The following USP42 variants were observed in gnomAD, a reference collection of about 807,000 sequenced individuals.
The protein encoded by USP42 is ubiquitin specific peptidase 42.
USP42 carries 23 observed loss-of-function variants against 113.0 expected under a neutral mutation model. That is an observed-to-expected ratio of 0.20 (90% CI 0.15 to 0.29). The LOEUF is 0.29. Among genes scored for constraint, USP42 ranks in the 10% least tolerant of loss-of-function variants. USP42 has a pLI of 1.00. For missense variants in USP42, 2,174 were observed against 1,779.8 expected, an observed-to-expected ratio of 1.22 and a Z score of -3.99; for synonymous variants, 933 against 699.0, an observed-to-expected ratio of 1.33 and a Z score of -5.28.
At chr7:6,085,716 G>T in the USP42 span, among the ~76,000 whole-genome samples, 1 of 149,992 alleles carries the variant, frequency 6.7e-6, no homozygotes, top group African/African-American at 2.5e-5. Context: ...TTGAGTTCAA[G>T]CGATTCTCCT....
At chr7:6,132,335 A>AT (rs1163409917) in intron 3 of USP42, among the ~76,000 whole-genome samples, 2 of 151,786 alleles carry the variant, frequency 1.3e-5, no homozygotes, top group Non-Finnish European at 2.9e-5. Flanking sequence ...ATACATAATG[A>AT]TTTTTTGCTT....
intron 3 of USP42, among the ~76,000 whole-genome samples, chr7:6,120,737 T>G (rs1780181336): frequency 6.6e-6 from 1 of 151,818 alleles, no homozygotes; most frequent in East Asian, 1.9e-4. Flanking sequence ...GTGCCCACCA[T>G]CATGCCCGGC....
chr7:6,148,108 C>G (rs1007666553), intron 12 of USP42, among the ~76,000 whole-genome samples: 12 of 152,154 alleles, frequency 7.9e-5, no homozygotes, highest in African/African-American at 2.9e-4. Flanking sequence ...GAGGCCGAGA[C>G]AGGTGGATCA....
At chr7:6,156,692 C>CA (rs1782462773) in intron 15 of USP42, 62 bp from the exon 16 acceptor site, 2 of 1,471,966 alleles carry the variant, frequency 1.4e-6, no homozygotes, top group Non-Finnish European at 1.8e-6. Context: ...GGCCAAGCTC[C>CA]AGGGTCTGCT....
At chr7:6,112,900 CTTTTTTTTTTTTT>C (rs34002709) in intron 2 of USP42, among the ~76,000 whole-genome samples, 15 of 102,738 alleles carry the variant, frequency 1.5e-4, no homozygotes, top group Middle Eastern at 5.3e-3. Context: ...TAGTAAGTTT[CTTTTTTTTTTTTT>C]TTTTTTTTGA....
At chr7:6,090,729 AC>A in the USP42 span, among the ~76,000 whole-genome samples, 2 of 146,172 alleles carry the variant, frequency 1.4e-5, no homozygotes, top group East Asian at 1.9e-4. Context: ...AAACAAAAAA[AC>A]AAAACTAACT....
intron 9 of USP42, 68 bp from the exon 10 acceptor site, chr7:6,145,448 C>G: frequency 1.3e-6 from 2 of 1,597,146 alleles, no homozygotes; most frequent in Admixed American, 1.7e-5. Context: ...CTCTAAGTAC[C>G]CTCTACCTGA....
intron 3 of USP42, among the ~76,000 whole-genome samples, chr7:6,121,216 CTCTT>C (rs1780210669): frequency 6.6e-6 from 1 of 152,098 alleles, no homozygotes; most frequent in East Asian, 1.9e-4. Context: ...AAATCCATGT[CTCTT>C]TCTCAGCCTT....
the USP42 span, among the ~76,000 whole-genome samples, chr7:6,096,842 T>C: frequency 1.3e-5 from 2 of 151,298 alleles, no homozygotes; most frequent in Non-Finnish European, 2.9e-5. Flanking sequence ...CTGCTCACTG[T>C]ACCAATCATG....
chr7:6,116,320 T>C (rs1779910285), intron 3 of USP42, among the ~76,000 whole-genome samples: 1 of 152,200 alleles, frequency 6.6e-6, no homozygotes, highest in African/African-American at 2.4e-5. Flanking sequence ...TCAACCTACA[T>C]GGCAGGAAAT....
At chr7:6,146,546 C>T (rs1781727549) in intron 11 of USP42, among the ~76,000 whole-genome samples, 1 of 151,984 alleles carries the variant, frequency 6.6e-6, no homozygotes, top group African/African-American at 2.4e-5. Context: ...GGCCTGTGGT[C>T]TTATCTGCTC....
chr7:6,108,242 TA>T (rs1779402306), intron 1 of USP42, among the ~76,000 whole-genome samples: 1 of 152,054 alleles, frequency 6.6e-6, no homozygotes, highest in African/African-American at 2.4e-5. Flanking sequence ...TTGATGCTTT[TA>T]AAAAACAAAT....
Position 6,159,419 on chromosome 7 carries a change from T to A in USP42, c.3944-31T>A. The A allele has an allele frequency of 1.9e-6, 3 of 1,613,836 alleles. No homozygotes were observed. The highest frequency in any genetic ancestry group is 2.5e-6 in the Non-Finnish European group (3 of 1,179,858). ...GCCCTGGCGATTTTGCAACCATCAT[T>A]AAAATCTCTTTCCTGACCTTTGCTT... is the stretch of plus-strand genomic sequence containing the variant. On this transcript the variant is annotated intron_variant, in intron 16 of 17. Coordinates refer to ENST00000306177, the MANE Select transcript of USP42 (RefSeq NM_032172.3). The surrounding 1 kb of genome is among the most constrained non-coding windows in gnomAD (Gnocchi z 4.1).
At position 6,154,931 on chromosome 7, in the gene USP42, C is replaced by T. The variant is rs374371362; in HGVS notation, c.3377C>T (p.Ala1126Val). The change falls in exon 15 of 18, where the codon GCC (alanine) becomes GTC (valine). Residue 1126 changes from alanine to valine, a missense_variant. Transcript: ENST00000306177. ...SPRAGAPHAL[A>V]PHPDRFSHDR... ...CGCGCAGGCGCGCCCCACGCCCTCGCCCCGCACCCCGACCGCTTCTCCCAC... is the reference window on the plus strand; with the variant it reads ...CGCGCAGGCGCGCCCCACGCCCTCGTCCCGCACCCCGACCGCTTCTCCCAC... 5 of 1,551,184 alleles carry T rather than the reference C, an allele frequency of 3.2e-6. No homozygotes were observed. The highest frequency in any genetic ancestry group is 4.4e-6 in the Non-Finnish European group (5 of 1,147,022).
upstream of USP42, among the ~76,000 whole-genome samples, chr7:6,100,225 C>G (rs777732022): frequency 2.0e-5 from 3 of 150,580 alleles, no homozygotes; most frequent in Non-Finnish European, 4.4e-5. Flanking sequence ...CCAACACATC[C>G]CCTTCTACTC....
In USP42 at chr7:6,139,402, G is replaced by A. The variant is rs989260082; in HGVS notation, c.656+208G>A. On this transcript the variant is annotated intron_variant, in intron 5 of 17. Transcript: ENST00000306177. The surrounding 1 kb of genome is among the most constrained non-coding windows in gnomAD (Gnocchi z 4.5). ...ACGTGTGTCTTACGTAACAGTTTGA[G>A]TTGGCTCAATCATAGATGTCAGGAA... The A allele has an allele frequency of 2.7e-5, 12 of 448,734 alleles. No homozygotes were observed. The highest frequency in any genetic ancestry group is 2.5e-4 in the African/African-American group (12 of 48,950). The allele number at this position is 448,734 out of a possible 1,614,324, so 27.8% of individuals were successfully genotyped here.
rs1782728853 is a variant in USP42 at position 6,160,761 on chromosome 7, A to G, written c.*243A>G. 1 of 152,640 alleles carries G rather than the reference A, an allele frequency of 6.6e-6. No individual in the cohort carries two copies. Among genetic ancestry groups the G allele is most frequent in the African/African-American group, 2.4e-5 (1 of 41,432 alleles). The allele number at this position is 152,640 out of a possible 1,614,324, so 9.5% of individuals were successfully genotyped here. A position where few individuals can be genotyped will look rare whatever the true frequency, so the allele number is the denominator to read the frequency against. ...CTACCACTGCTGACCATTGTAAAATACCGTGTATATAAATCCCATTGAAAT... is the reference window on the plus strand; with the variant it reads ...CTACCACTGCTGACCATTGTAAAATGCCGTGTATATAAATCCCATTGAAAT... On this transcript the variant is annotated 3_prime_UTR_variant, in exon 18 of 18. Coordinates refer to ENST00000306177, the MANE Select transcript of USP42 (RefSeq NM_032172.3).
chr7:6,132,881 C>T (rs769745067), intron 3 of USP42, among the ~76,000 whole-genome samples: 6 of 152,138 alleles, frequency 3.9e-5, no homozygotes, highest in Non-Finnish European at 8.8e-5. Context: ...ACCGTGTTAG[C>T]CAGGATGGTC....
chr7:6,107,947 A>AT (rs1583568461), intron 1 of USP42, among the ~76,000 whole-genome samples: 1 of 152,062 alleles, frequency 6.6e-6, no homozygotes, highest in Non-Finnish European at 1.5e-5. Context: ...TTAAGATTGT[A>AT]TTTTTTTGGG....
Sources: allele counts gnomAD v4.1 joint callset (sites outside exome capture counted in the v4.1 genomes callset), GRCh38; gene constraint gnomAD v4.1.1; non-coding constraint Gnocchi (gnomAD v3.1); transcripts MANE v1.5; gene names NCBI Gene and HGNC (gene_info 2026-07-23, HGNC 2026-07-21).